The following KIF1B variants were observed in gnomAD, a reference collection of about 807,000 sequenced individuals.
KIF1B encodes the protein kinesin-like protein KIF1B.
KIF1B carries 76 observed loss-of-function variants against 241.9 expected under a neutral mutation model. The observed-to-expected ratio is 0.31, with a 90% confidence interval of 0.26 to 0.38. KIF1B has a LOEUF of 0.38. Ranked by LOEUF, KIF1B falls within the 10% of genes least tolerant of loss-of-function variation. The pLI, the probability that KIF1B is intolerant of heterozygous loss-of-function variation, is 1.00. For synonymous variants in KIF1B, 750 were observed against 796.7 expected, an observed-to-expected ratio of 0.94 and a Z score of 0.99; for missense variants, 1,622 against 2,271.4, an observed-to-expected ratio of 0.71 and a Z score of 5.81.
At chr1:10,325,025 T>C (rs1017604994) in intron 26 of KIF1B, 130 bp downstream of exon 26, 7 of 984,994 alleles carry the variant, frequency 7.1e-6, no homozygotes, top group East Asian at 5.1e-5. Context: ...TATAATCTTA[T>C]CCACTCACAA....
At chr1:10,314,572 A>G (rs1373561319) in intron 22 of KIF1B, among the ~76,000 whole-genome samples, 1 of 151,254 alleles carries the variant, frequency 6.6e-6, no homozygotes, top group African/African-American at 2.5e-5. Flanking sequence ...TATGCCCTCC[A>G]CTAAGTCCGG....
rs1342716199 is a variant in KIF1B, at chr1:10,336,725, A to G, written c.3112A>G (p.Asn1038Asp). 1 of 1,613,096 alleles carries G rather than the reference A, an allele frequency of 6.2e-7. No homozygotes were observed. Among genetic ancestry groups the G allele is most frequent in the Non-Finnish European group, 8.5e-7 (1 of 1,179,048 alleles). ...QSGTAKISFDNEYFNQSDFSS... is the reference protein window; with the variant it reads ...QSGTAKISFDDEYFNQSDFSS... ...AGGAACAGCTAAAATATCTTTTGAT[A>G]ATGAATACTTTAATCAGGTGAGAAA... is the stretch of plus-strand genomic sequence containing the variant. The change falls in exon 29 of 49, where the codon AAT becomes GAT. Residue 1038 changes from asparagine (N) to aspartate (D), a missense_variant. Asn to Asp is a conservative substitution (Grantham distance 23, BLOSUM62 1). This residue lies in a region of KIF1B where 803 missense variants were observed against 1,112.0 expected (regional missense o/e 0.72). Transcript: ENST00000676179.
intron 24 of KIF1B, among the ~76,000 whole-genome samples, chr1:10,322,194 G>A (rs910193374): frequency 1.3e-5 from 2 of 152,058 alleles, no homozygotes; most frequent in Non-Finnish European, 2.9e-5. Flanking sequence ...TATTAAGTTT[G>A]CACCTCTAAG....
chr1:10,314,320 G>C (rs940790366), intron 22 of KIF1B, among the ~76,000 whole-genome samples: 3 of 151,564 alleles, frequency 2.0e-5, no homozygotes, highest in East Asian at 3.8e-4. Flanking sequence ...TTAAAAGCTC[G>C]TAAGTAGCCT....
rs756162064 is a variant in KIF1B at position 10,321,787 on chromosome 1, G to A, written c.2288G>A (p.Arg763Gln). The A allele has an allele frequency of 1.2e-6, 2 of 1,614,158 alleles. No homozygotes were observed. Among genetic ancestry groups the A allele is most frequent in the South Asian group, 1.1e-5 (1 of 91,084 alleles). The change falls in exon 24 of 49, where the codon CGG becomes CAG. Residue 763 changes from arginine (R) to glutamine (Q), a missense_variant. Around this residue, in one of 7 missense-constraint regions of KIF1B, gnomAD observed 803 missense variants for 1,112.0 expected, o/e 0.72. Transcript: ENST00000676179. ...AAGTCTCATCAGTTTACTTCATTAC[G>A]GGACTTACTCTGGGGCAATGCCGTG... ...KWKSHQFTSL[R>Q]DLLWGNAVYL...
At chr1:10,220,397 T>TAGATAGATGATAGATA (rs1553160022) in intron 1 of KIF1B, among the ~76,000 whole-genome samples, 23 of 144,284 alleles carry the variant, frequency 1.6e-4, no homozygotes, top group African/African-American at 5.4e-4. Context: ...GATAGATAGA[T>TAGATAGATGATAGATA]GATAGATAGA....
At chr1:10,340,184 C>T (rs771840452) in intron 32 of KIF1B, among the ~76,000 whole-genome samples, 7 of 152,174 alleles carry the variant, frequency 4.6e-5, no homozygotes, top group Admixed American at 1.3e-4. Context: ...ATGCATTGTC[C>T]TTTAAACCCT....
At chr1:10,247,750 G>A (rs1204838278) in intron 2 of KIF1B, among the ~76,000 whole-genome samples, 3 of 152,088 alleles carry the variant, frequency 2.0e-5, no homozygotes, top group African/African-American at 4.8e-5. Context: ...TACTTAGAGT[G>A]GGATCACATT....
intron 44 of KIF1B, among the ~76,000 whole-genome samples, chr1:10,368,874 T>C (rs1000184248): frequency 5.3e-5 from 8 of 152,172 alleles, no homozygotes; most frequent in African/African-American, 1.7e-4. Context: ...CTGAGGTTCC[T>C]GGTGGCATAA....
At chr1:10,364,147 G>A (rs1004952868) in intron 41 of KIF1B, among the ~76,000 whole-genome samples, 2 of 151,128 alleles carry the variant, frequency 1.3e-5, no homozygotes, top group African/African-American at 4.9e-5. Context: ...GTGTGTATGT[G>A]TGTGTGTATT....
intron 1 of KIF1B, among the ~76,000 whole-genome samples, chr1:10,224,947 A>G (rs983190393): frequency 1.3e-5 from 2 of 152,154 alleles, no homozygotes; most frequent in Non-Finnish European, 2.9e-5. Flanking sequence ...TCCACCTCAG[A>G]TCATCAGGCA....
At chr1:10,353,585 C>T (rs1384060500) in intron 38 of KIF1B, among the ~76,000 whole-genome samples, 1 of 152,168 alleles carries the variant, frequency 6.6e-6, no homozygotes, top group African/African-American at 2.4e-5. Flanking sequence ...GTGCTTCAGT[C>T]TGCTCCTGAA....
chr1:10,272,353 A>G, intron 9 of KIF1B, 47 bp downstream of exon 9: 2 of 1,098,950 alleles, frequency 1.8e-6, no homozygotes, highest in Non-Finnish European at 1.4e-6. Flanking sequence ...TGTTCAGCAA[A>G]TATACTTGAT....
At chr1:10,255,966 T>G (rs1024865115) in intron 2 of KIF1B, among the ~76,000 whole-genome samples, 5 of 112,620 alleles carry the variant, frequency 4.4e-5, no homozygotes, top group Non-Finnish European at 3.8e-5. Flanking sequence ...GTTGTTGTTG[T>G]TTTTTTTTTT....
intron 15 of KIF1B, among the ~76,000 whole-genome samples, chr1:10,285,557 G>A (rs967764139): frequency 6.6e-5 from 10 of 152,104 alleles, no homozygotes; most frequent in African/African-American, 2.4e-4. Flanking sequence ...TCTTCCTTAC[G>A]CCAAAATAAA....
chr1:10,262,104 C>G, intron 5 of KIF1B, 134 bp downstream of exon 5: 1 of 737,032 alleles, frequency 1.4e-6, no homozygotes. Flanking sequence ...CAGGCTATTT[C>G]TGGGTTTTGG....
At chr1:10,364,111 A>G (rs1216655735) in intron 41 of KIF1B, among the ~76,000 whole-genome samples, 1 of 151,934 alleles carries the variant, frequency 6.6e-6, no homozygotes, top group Admixed American at 6.6e-5. Context: ...GTTCTCTGTC[A>G]TCTGTCAGCC....
chr1:10,291,088 GAGA>G lies in KIF1B; in HGVS notation c.1445_1447del (p.Lys482del). ...TGTGCGCTTCCTTCCTTAGGAATCAGAGAAGATCATTGCTGAGTTGAATGAAAC... is the reference window on the plus strand; with the variant it reads ...TGTGCGCTTCCTTCCTTAGGAATCAGAGATCATTGCTGAGTTGAATGAAAC... On this transcript the variant is annotated inframe_deletion, in exon 16 of 49. Transcript: ENST00000676179. 6.2e-7 allele frequency: 1 copy of G among 1,612,876 alleles called. No homozygotes were observed. The highest frequency in any genetic ancestry group is 8.5e-7 in the Non-Finnish European group (1 of 1,179,114).
chr1:10,285,402 T>G (rs754618898), intron 15 of KIF1B, among the ~76,000 whole-genome samples: 14 of 152,172 alleles, frequency 9.2e-5, no homozygotes, highest in Non-Finnish European at 2.1e-4. Flanking sequence ...TCTTCAAGAT[T>G]CAGGTAACCC....
Sources: allele counts gnomAD v4.1 joint callset (sites outside exome capture counted in the v4.1 genomes callset), GRCh38; gene constraint gnomAD v4.1.1; regional missense constraint gnomAD v4.1.1; transcripts MANE v1.5; gene names NCBI Gene and HGNC (gene_info 2026-07-23, HGNC 2026-07-21).